P4HA3: variants seen among roughly 807,000 people sequenced by gnomAD.
P4HA3 encodes the protein prolyl 4-hydroxylase subunit alpha-3.
A neutral mutation model predicts 66.7 loss-of-function variants in P4HA3; 60 were observed. That is an observed-to-expected ratio of 0.90 (90% confidence interval 0.73 to 1.12). P4HA3 has a LOEUF of 1.12. P4HA3 is among the 50% of genes most tolerant of loss of function. P4HA3 has a pLI of 0.00. For synonymous variants in P4HA3, 263 were observed against 274.6 expected (o/e 0.96, Z 0.42); for missense variants, 683 against 685.8 (o/e 1.00, Z 0.05).
At chr11:74,298,149 A>C in intron 4 of P4HA3, 63 bp downstream of exon 4, 1 of 1,540,788 alleles carries the variant, frequency 6.5e-7, no homozygotes, top group Non-Finnish European at 8.8e-7. Flanking sequence ...TAGAAATTGT[A>C]AAGCAGCTAT....
chr11:74,286,110 C>A, intron 6 of P4HA3, 118 bp downstream of exon 6: 1 of 1,475,336 alleles, frequency 6.8e-7, no homozygotes, highest in Non-Finnish European at 9.3e-7. Context: ...TCTGATGCTG[C>A]CCAAGTGAGC....
At chr11:74,251,640 A>G in intron 15 of P4HA3, 1 of 1,613,076 alleles carries the variant, frequency 6.2e-7, no homozygotes, top group East Asian at 2.2e-5. Context: ...TATCTCTCCC[A>G]TTTCCAGGTA....
At position 74,250,957 on chromosome 11, in the gene P4HA3, A is replaced by G. The variant is rs904700564; in HGVS notation, c.*1319-2956T>C. ...CCTTGCTTTGATTCCTCTCCAGGGAAGTTCCAGATGCAGGTCCTACCCCAG... is the reference window on the plus strand; with the variant it reads ...CCTTGCTTTGATTCCTCTCCAGGGAGGTTCCAGATGCAGGTCCTACCCCAG... On this transcript the variant is annotated intron_variant and NMD_transcript_variant, in intron 15 of 15. Transcript: ENST00000524388. 6.9e-6 allele frequency: 11 copies of G among 1,598,580 alleles called. No homozygotes were observed. The African/African-American group carries it at 1.3e-4, about 19-fold the overall frequency.
At chr11:74,283,580 C>G (rs746259857) in intron 7 of P4HA3, among the ~76,000 whole-genome samples, 1 of 152,206 alleles carries the variant, frequency 6.6e-6, no homozygotes, top group African/African-American at 2.4e-5. Flanking sequence ...GGATAAAATC[C>G]AAACTCCCCG....
At chr11:74,287,151 G>A in intron 5 of P4HA3, 2 of 1,242,684 alleles carry the variant, frequency 1.6e-6, no homozygotes, top group Non-Finnish European at 2.1e-6. Context: ...GATGCCCCAT[G>A]CATTGGCAGA....
chr11:74,311,367 A>C (rs1188474772), intron 1 of P4HA3, 45 bp downstream of exon 1: 5 of 1,451,110 alleles, frequency 3.4e-6, no homozygotes, highest in Non-Finnish European at 4.5e-6. Flanking sequence ...GGCACAGTGT[A>C]TCCCACTGAG....
In P4HA3 at chr11:74,266,880, A is replaced by C; in HGVS notation, c.*368T>G. The stretch of plus-strand genomic sequence containing the variant: ...CCCTCCTGCAGGTGTCCTCATTGCC[A>C]CTTCTTGGTCCCTGTGGTCAAGGTT... On this transcript the variant is annotated 3_prime_UTR_variant, in exon 13 of 13. Transcript: ENST00000331597. 1 of 857,778 alleles carries C rather than the reference A, an allele frequency of 1.2e-6. No homozygotes were observed. The highest frequency in any genetic ancestry group is 1.7e-6 in the Non-Finnish European group (1 of 575,586). 53.1% of individuals were successfully genotyped at this position (857,778 alleles called of 1,614,324 possible).
intron 4 of P4HA3, among the ~76,000 whole-genome samples, chr11:74,294,953 C>G (rs1308617103): frequency 6.6e-6 from 1 of 152,054 alleles, no homozygotes; most frequent in Non-Finnish European, 1.5e-5. Context: ...GCTGGAAGAA[C>G]CACTACTCTC....
chr11:74,265,358 A>AG (rs1859973815), downstream of P4HA3, among the ~76,000 whole-genome samples: 1 of 152,202 alleles, frequency 6.6e-6, no homozygotes, highest in South Asian at 2.1e-4. Flanking sequence ...TCAGACTCTG[A>AG]GGAAGCTGGG....
At chr11:74,263,603 G>A (rs1591082528), downstream of P4HA3, among the ~76,000 whole-genome samples, 1 of 152,164 alleles carries the variant, frequency 6.6e-6, no homozygotes, top group South Asian at 2.1e-4. Flanking sequence ...TATAAAATGG[G>A]CATAATAGAA....
intron 1 of P4HA3, among the ~76,000 whole-genome samples, chr11:74,308,652 C>G (rs1861641776): frequency 6.6e-6 from 1 of 152,048 alleles, no homozygotes. Context: ...CATAAGTCAC[C>G]TGAGAAAATA....
intron 1 of P4HA3, among the ~76,000 whole-genome samples, chr11:74,305,233 G>A (rs1861544917): frequency 6.6e-6 from 1 of 152,080 alleles, no homozygotes; most frequent in Non-Finnish European, 1.5e-5. Flanking sequence ...GGAGTTAGAA[G>A]GGGGAAGGAA....
chr11:74,311,317 G>C (rs988158983), intron 1 of P4HA3, 95 bp downstream of exon 1: 6 of 1,304,834 alleles, frequency 4.6e-6, no homozygotes, highest in Non-Finnish European at 6.0e-6. Flanking sequence ...GCATGACAAT[G>C]AGCCTGGGGT....
intron 10 of P4HA3, 108 bp downstream of exon 10, chr11:74,273,437 T>G (rs1860275020): frequency 3.0e-6 from 3 of 1,014,232 alleles, no homozygotes; most frequent in Admixed American, 7.0e-5. Flanking sequence ...CCTGGAGATT[T>G]TTGCGCTGAG....
At chr11:74,256,843 G>A (rs1317138547) in intron 15 of P4HA3, among the ~76,000 whole-genome samples, 1 of 152,182 alleles carries the variant, frequency 6.6e-6, no homozygotes, top group Non-Finnish European at 1.5e-5. Flanking sequence ...TTGAGACTGG[G>A]AGGACTGAAG....
chr11:74,255,997 G>A (rs777311769), intron 15 of P4HA3: 2 of 501,718 alleles, frequency 4.0e-6, no homozygotes, highest in East Asian at 1.1e-4. Flanking sequence ...GGTTTTCAGG[G>A]GCACTCAGGT....
chr11:74,292,282 G>A (rs184965751), intron 4 of P4HA3, among the ~76,000 whole-genome samples: 4,797 of 152,024 alleles, frequency 0.032, 257 homozygotes, highest in African/African-American at 0.11. Flanking sequence ...CTGTGGGATC[G>A]GTGGTGATAT....
intron 4 of P4HA3, among the ~76,000 whole-genome samples, chr11:74,289,428 T>C (rs1231261289): frequency 6.6e-6 from 1 of 152,122 alleles, no homozygotes; most frequent in African/African-American, 2.4e-5. Flanking sequence ...TGTTTTCTGT[T>C]GAATTGTTTT....
chr11:74,304,549 A>G lies in P4HA3; in HGVS notation c.201-137T>C, dbSNP rs150704580. 2,685 of 1,037,074 alleles carry G rather than the reference A, an allele frequency of 2.6e-3. 52 individuals carry two copies. In the African/African-American group the frequency reaches 0.039, roughly 15 times the overall value. 64.2% of individuals were successfully genotyped at this position (1,037,074 alleles called of 1,614,324 possible). A position where few individuals can be genotyped will look rare whatever the true frequency, so the allele number is the denominator to read the frequency against. On this transcript the variant is annotated intron_variant, in intron 1 of 12. Coordinates refer to ENST00000331597, the MANE Select transcript of P4HA3 (RefSeq NM_182904.5). Reference sequence around the variant, plus strand: ...TTGAGATTCACATAATAGTCCAACCAAAAAGCCATGCAAGCCCAAAGAATA... The same window carrying G: ...TTGAGATTCACATAATAGTCCAACCGAAAAGCCATGCAAGCCCAAAGAATA...
Sources: gnomAD v4.1 joint callset for allele counts (sites outside exome capture counted in the v4.1 genomes callset) on GRCh38, gnomAD v4.1.1 for gene constraint, MANE v1.5 for transcripts, NCBI Gene and HGNC (gene_info 2026-07-23, HGNC 2026-07-21) for gene names.